The following FHIT variants were observed in gnomAD, a reference collection of about 807,000 sequenced individuals.
FHIT encodes fragile histidine triad diadenosine triphosphatase.
In FHIT, 19 loss-of-function variants were observed where a neutral mutation model predicts 17.9. The observed-to-expected ratio is 1.06, with a 90% CI of 0.74 to 1.56. FHIT has a LOEUF of 1.56. FHIT is among the 40% of genes most tolerant of loss of function. The pLI is 0.00. For synonymous variants in FHIT, 81 were observed against 69.7 expected, an observed-to-expected ratio of 1.16 and a Z score of -0.81; for missense variants, 248 against 189.2, an observed-to-expected ratio of 1.31 and a Z score of -1.82.
intron 5 of FHIT, among the ~76,000 whole-genome samples, chr3:60,375,938 G>T (rs547649174): frequency 4.3e-4 from 65 of 152,246 alleles, no homozygotes; most frequent in African/African-American, 8.7e-4. Flanking sequence ...ATGGTAGTGT[G>T]CCTGAGGAAG....
chr3:60,018,707 G>C lies in FHIT; in HGVS notation c.104-4555C>G, dbSNP rs372738574. ...AAACAACATTGATCGGCCGGGCGCA[G>C]TGGCTCACGCCTGTAATCCCAGCAC... On this transcript the variant is annotated intron_variant, in intron 5 of 9. Transcript: ENST00000492590. Among the ~76,000 whole-genome samples, 11 of 152,310 alleles carry C rather than the reference G, an allele frequency of 7.2e-5. No homozygotes were observed. The East Asian group carries it at 1.4e-3, about 19-fold the overall frequency.
At chr3:60,976,059 C>T (rs1157322472) in intron 3 of FHIT, among the ~76,000 whole-genome samples, 1 of 148,958 alleles carries the variant, frequency 6.7e-6, no homozygotes, top group Non-Finnish European at 1.5e-5. Flanking sequence ...CAGGATAACA[C>T]CTCCAAACAT....
At chr3:59,898,106 A>G (rs1420018252) in intron 8 of FHIT, among the ~76,000 whole-genome samples, 5 of 152,124 alleles carry the variant, frequency 3.3e-5, no homozygotes, top group African/African-American at 7.2e-5. Context: ...TGATGCCACA[A>G]CTGGAAAATT....
chr3:60,886,982 C>T (rs1409666970), intron 3 of FHIT, among the ~76,000 whole-genome samples: 1 of 152,172 alleles, frequency 6.6e-6, no homozygotes, highest in Non-Finnish European at 1.5e-5. Flanking sequence ...AATCTCACAG[C>T]AAACTTCATT....
chr3:59,800,977 A>G (rs1406329112), intron 8 of FHIT, among the ~76,000 whole-genome samples: 4 of 152,222 alleles, frequency 2.6e-5, no homozygotes, highest in African/African-American at 4.8e-5. Flanking sequence ...TTCCCAGCTC[A>G]TCGCAAAGAG....
chr3:60,513,905 G>C (rs535384177), intron 5 of FHIT, among the ~76,000 whole-genome samples: 1 of 152,094 alleles, frequency 6.6e-6, no homozygotes. Flanking sequence ...GCAGCAGAGC[G>C]GCAGAGCAGA....
At chr3:61,166,508 C>G (rs2037843262) in intron 2 of FHIT, among the ~76,000 whole-genome samples, 1 of 152,174 alleles carries the variant, frequency 6.6e-6, no homozygotes, top group African/African-American at 2.4e-5. Context: ...TACTTACAAA[C>G]CTCACATTTA....
intron 4 of FHIT, chr3:60,537,465 T>C (rs955301853): frequency 1.0e-6 from 1 of 983,514 alleles, no homozygotes; most frequent in Non-Finnish European, 1.2e-6. Flanking sequence ...TGACCTTGCC[T>C]ACAATTACAA....
At chr3:60,855,882 A>G (rs1353685599) in intron 3 of FHIT, among the ~76,000 whole-genome samples, 1 of 152,140 alleles carries the variant, frequency 6.6e-6, no homozygotes, top group African/African-American at 2.4e-5. Context: ...GGTGAATCCA[A>G]TTCAAAAGAC....
intron 2 of FHIT, among the ~76,000 whole-genome samples, chr3:61,112,323 G>T (rs2036183597): frequency 6.6e-6 from 1 of 150,468 alleles, no homozygotes; most frequent in Admixed American, 6.6e-5. Context: ...AACTAAAAAT[G>T]GGACAGGAGA....
At chr3:59,911,495 C>T (rs1704873969) in intron 8 of FHIT, among the ~76,000 whole-genome samples, 1 of 152,128 alleles carries the variant, frequency 6.6e-6, no homozygotes, top group African/African-American at 2.4e-5. Flanking sequence ...AGCTAATTTT[C>T]AGGGAGATTC....
chr3:59,763,299 C>T (rs1413032903), intron 8 of FHIT, among the ~76,000 whole-genome samples: 1 of 152,210 alleles, frequency 6.6e-6, no homozygotes, highest in Non-Finnish European at 1.5e-5. Context: ...GAAAAATCTG[C>T]ACTACAAGAT....
chr3:60,955,442 C>G lies in FHIT; in HGVS notation c.-111+86605G>C, dbSNP rs1402005027. Among the ~76,000 whole-genome samples, 8 of 151,970 alleles carry G rather than the reference C, an allele frequency of 5.3e-5. No individual in the cohort carries two copies. In the East Asian group the frequency reaches 1.5e-3, roughly 29 times the overall value. ...TTGTGTCAAGCCAGAGCATTTATATCAGGAGGTTCTAGAATATTTTCAAGT... is the reference window on the plus strand; with the variant it reads ...TTGTGTCAAGCCAGAGCATTTATATGAGGAGGTTCTAGAATATTTTCAAGT... On this transcript the variant is annotated intron_variant, in intron 3 of 9. Coordinates refer to ENST00000492590, the MANE Select transcript of FHIT (RefSeq NM_002012.4).
chr3:59,778,727 T>C (rs572449504), intron 8 of FHIT, among the ~76,000 whole-genome samples: 27 of 152,320 alleles, frequency 1.8e-4, no homozygotes, highest in African/African-American at 6.3e-4. Context: ...GGGGAGTACT[T>C]TAGGCTTGTC....
At chr3:60,926,207 T>C (rs1707600610) in intron 3 of FHIT, among the ~76,000 whole-genome samples, 1 of 152,172 alleles carries the variant, frequency 6.6e-6, no homozygotes, top group Non-Finnish European at 1.5e-5. Context: ...CAAGTGGACC[T>C]AACAGACATC....
chr3:60,333,225 C>T (rs573411142), intron 5 of FHIT, among the ~76,000 whole-genome samples: 6 of 152,288 alleles, frequency 3.9e-5, no homozygotes, highest in South Asian at 2.1e-4. Context: ...TGTATCTAAT[C>T]GATACATAAT....
At chr3:60,084,914 C>G (rs1458491516) in intron 5 of FHIT, among the ~76,000 whole-genome samples, 2 of 152,002 alleles carry the variant, frequency 1.3e-5, no homozygotes, top group African/African-American at 2.4e-5. Flanking sequence ...GCTGTTACTT[C>G]AGGCATCTTC....
chr3:60,278,168 T>C lies in FHIT; in HGVS notation c.103+258692A>G, dbSNP rs377164801. On this transcript the variant is annotated intron_variant, in intron 5 of 9. Transcript: ENST00000492590. ...AGTTAAAAACTCTTGCAGCCTAGTC[T>C]TAGGGGAGACTATACTTTTCTGAGT... Among the ~76,000 whole-genome samples, 351 of 152,304 alleles carry C rather than the reference T, an allele frequency of 2.3e-3. 1 individual carries two copies. The highest frequency in any genetic ancestry group is 8.1e-3 in the African/African-American group (337 of 41,580).
At chr3:60,403,048 A>G (rs1327139596) in intron 5 of FHIT, among the ~76,000 whole-genome samples, 3 of 152,352 alleles carry the variant, frequency 2.0e-5, no homozygotes, top group Admixed American at 2.0e-4. Flanking sequence ...CTGCTTTAGC[A>G]TATGAATAAT....
Sources: allele counts gnomAD v4.1 joint callset (sites outside exome capture counted in the v4.1 genomes callset), GRCh38; gene constraint gnomAD v4.1.1; transcripts MANE v1.5; gene names NCBI Gene and HGNC (gene_info 2026-07-23, HGNC 2026-07-21).